The following NRG1 variants were observed in gnomAD, a reference collection of about 807,000 sequenced individuals.
NRG1 encodes neuregulin 1, also known as pro-neuregulin-1, membrane-bound isoform.
Under a neutral mutation model 63.8 loss-of-function variants are expected in NRG1, and 18 were observed. The ratio of observed to expected loss-of-function variants is 0.28; its 90% CI spans 0.19 to 0.42. The LOEUF (loss-of-function observed/expected upper bound fraction) is 0.42. Ranked by LOEUF, NRG1 falls within the 10% of genes least tolerant of loss-of-function variation. The pLI, the probability that NRG1 is intolerant of heterozygous loss-of-function variation, is 1.00. For missense variants in NRG1, 762 were observed against 814.7 expected (o/e 0.94, Z 0.79); for synonymous variants, 302 against 301.3 (o/e 1.00, Z -0.02).
chr8:32,121,778 G>A (rs1413143940), intron 1 of NRG1, among the ~76,000 whole-genome samples: 1 of 151,866 alleles, frequency 6.6e-6, no homozygotes, highest in Non-Finnish European at 1.5e-5. Flanking sequence ...CACATTTGAG[G>A]CCCCAGCAAT....
chr8:31,841,387 A>C (rs563145967), intron 1 of NRG1, among the ~76,000 whole-genome samples: 62 of 152,258 alleles, frequency 4.1e-4, no homozygotes, highest in African/African-American at 1.3e-3. Context: ...GGTCTTACAC[A>C]ACATTCTAGA....
chr8:31,993,541 C>G (rs913141339), intron 1 of NRG1, among the ~76,000 whole-genome samples: 1 of 151,964 alleles, frequency 6.6e-6, no homozygotes, highest in African/African-American at 2.4e-5. Flanking sequence ...AAAGGCAGTT[C>G]CCCTGCACAA....
At chr8:31,981,401 A>G (rs1033815422) in intron 1 of NRG1, among the ~76,000 whole-genome samples, 1 of 152,156 alleles carries the variant, frequency 6.6e-6, no homozygotes, top group Middle Eastern at 3.4e-3. Flanking sequence ...CTGAGTGGCC[A>G]TCTTCAACAA....
exon 12 of NRG1, chr8:32,767,507 C>A (rs1045389099): frequency 2.0e-5 from 3 of 152,086 alleles, no homozygotes; most frequent in African/African-American, 7.2e-5. Context: ...ATTATATATT[C>A]TTTTGTAAAT....
chr8:32,595,240 A>C (rs757016742), intron 1 of NRG1, among the ~76,000 whole-genome samples: 19 of 152,032 alleles, frequency 1.2e-4, no homozygotes, highest in Non-Finnish European at 4.4e-5. Context: ...CCCAGGCTGA[A>C]GTGCAGTGGT....
At chr8:32,364,193 TGATAGATGATA>T (rs1406400867) in intron 1 of NRG1, among the ~76,000 whole-genome samples, 2 of 151,540 alleles carry the variant, frequency 1.3e-5, no homozygotes, top group Admixed American at 1.3e-4. Flanking sequence ...GATAGATGAT[TGATAGATGATA>T]GATCAGTGAA....
intron 1 of NRG1, among the ~76,000 whole-genome samples, chr8:31,876,085 G>A (rs887184680): frequency 5.3e-5 from 8 of 152,010 alleles, no homozygotes; most frequent in Non-Finnish European, 1.2e-4. Context: ...GAAATGAATT[G>A]ATCACAGAAG....
At chr8:32,393,581 A>C (rs1812053715) in intron 1 of NRG1, among the ~76,000 whole-genome samples, 1 of 152,230 alleles carries the variant, frequency 6.6e-6, no homozygotes, top group African/African-American at 2.4e-5. Flanking sequence ...TGTCCTTTAC[A>C]GGAACATGGA....
chr8:32,763,316 C>G (rs79128028), intron 11 of NRG1: 2 of 1,614,016 alleles, frequency 1.2e-6, no homozygotes, highest in South Asian at 2.2e-5. Context: ...TCTTCCATTC[C>G]CCATTTGGGC....
At chr8:32,771,747 G>C (rs1189067417), downstream of NRG1, among the ~76,000 whole-genome samples, 2 of 135,686 alleles carry the variant, frequency 1.5e-5, no homozygotes, top group Non-Finnish European at 3.1e-5. Context: ...TATAGGCCTG[G>C]CACGGTGGCT....
chr8:32,023,988 AG>A (rs1230634547), intron 1 of NRG1, among the ~76,000 whole-genome samples: 1 of 152,162 alleles, frequency 6.6e-6, no homozygotes, highest in Non-Finnish European at 1.5e-5. Flanking sequence ...AGGAGGCAGA[AG>A]AGAGCACTTA....
intron 1 of NRG1, among the ~76,000 whole-genome samples, chr8:31,941,344 A>G (rs983481577): frequency 2.0e-5 from 3 of 152,122 alleles, no homozygotes; most frequent in Non-Finnish European, 2.9e-5. Context: ...ACAAAATCCA[A>G]TCTCCCTTTG....
At chr8:32,122,516 C>A (rs1283963440) in intron 1 of NRG1, among the ~76,000 whole-genome samples, 3 of 151,890 alleles carry the variant, frequency 2.0e-5, no homozygotes, top group African/African-American at 7.3e-5. Context: ...GATAAACATG[C>A]ACAAAATTTT....
intron 1 of NRG1, among the ~76,000 whole-genome samples, chr8:32,057,293 G>C (rs1403598616): frequency 6.6e-6 from 1 of 152,068 alleles, no homozygotes; most frequent in African/African-American, 2.4e-5. Context: ...ATTATACTTG[G>C]TCAGCTATTG....
chr8:32,436,753 T>C (rs1818844458), intron 1 of NRG1, among the ~76,000 whole-genome samples: 1 of 152,194 alleles, frequency 6.6e-6, no homozygotes, highest in Admixed American at 6.6e-5. Flanking sequence ...ATGTTTCTAT[T>C]CTTTGCTTGA....
At chr8:32,711,433 A>G (rs1480321940) in intron 5 of NRG1, among the ~76,000 whole-genome samples, 1 of 152,134 alleles carries the variant, frequency 6.6e-6, no homozygotes, top group Non-Finnish European at 1.5e-5. Flanking sequence ...AAAAAAGGGA[A>G]CCAGGAAGAA....
Position 31,901,454 on chromosome 8 carries a change from C to A in NRG1, c.37+262023C>A, listed in dbSNP as rs1175134922. 2.0e-5 allele frequency among the ~76,000 whole-genome samples: 3 copies of A among 152,148 alleles called. 1 individual carries two copies. Among genetic ancestry groups the A allele is most frequent in the Non-Finnish European group, 4.4e-5 (3 of 68,016 alleles). On this transcript the variant is annotated intron_variant, in intron 1 of 10. Coordinates refer to the NRG1 transcript ENST00000519301. ...GAAGGAATAATGAAAGGCTGCATGA[C>A]AGAAGTATTTAGTCTTCATTCCTGT... is the stretch of plus-strand genomic sequence containing the variant.
intron 1 of NRG1, among the ~76,000 whole-genome samples, chr8:32,015,483 C>T (rs1448330169): frequency 6.6e-6 from 1 of 152,124 alleles, no homozygotes; most frequent in Non-Finnish European, 1.5e-5. Flanking sequence ...CTAAATTCTA[C>T]AGGCAGTGCT....
At chr8:31,783,157 A>T (rs1819851139) in intron 1 of NRG1, among the ~76,000 whole-genome samples, 1 of 152,180 alleles carries the variant, frequency 6.6e-6, no homozygotes, top group African/African-American at 2.4e-5. Context: ...TGTCAAAAGG[A>T]TCAGTCCAAA....
Sources: allele counts gnomAD v4.1 joint callset (sites outside exome capture counted in the v4.1 genomes callset), GRCh38; gene constraint gnomAD v4.1.1; transcripts MANE v1.5; gene names NCBI Gene and HGNC (gene_info 2026-07-23, HGNC 2026-07-21).